The following AFAP1L2 variants were observed in gnomAD, a reference collection of about 807,000 sequenced individuals.
The protein encoded by AFAP1L2 is actin filament-associated protein 1-like 2.
AFAP1L2 carries 46 observed loss-of-function variants against 99.3 expected under a neutral mutation model. That is an observed-to-expected ratio of 0.46 (90% CI 0.37 to 0.59). The LOEUF is 0.59. AFAP1L2 is among the 20% of genes least tolerant of loss of function. The probability of loss-of-function intolerance (pLI) is 0.00; values close to 1 mark genes in which losing one functional copy is unlikely to be tolerated. For missense variants in AFAP1L2, 959 were observed against 1,034.9 expected (o/e 0.93, Z 1.01); for synonymous variants, 397 against 419.1 (o/e 0.95, Z 0.64).
At chr10:114,334,825 C>T (rs749904189) in intron 2 of AFAP1L2, among the ~76,000 whole-genome samples, 2 of 152,204 alleles carry the variant, frequency 1.3e-5, no homozygotes, top group Non-Finnish European at 2.9e-5. Flanking sequence ...AGGCAGGAGA[C>T]GGGGTCTCAA....
At chr10:114,334,814 G>C (rs77632714) in intron 2 of AFAP1L2, among the ~76,000 whole-genome samples, 7 of 152,258 alleles carry the variant, frequency 4.6e-5, no homozygotes, top group Admixed American at 3.9e-4. Context: ...CCTGCAGGGA[G>C]AGGCAGGAGA....
rs553547687 is a variant in AFAP1L2, at chr10:114,385,220, G to A, written c.16+19220C>T. On this transcript the variant is annotated intron_variant, in intron 1 of 18. Coordinates refer to ENST00000304129, the MANE Select transcript of AFAP1L2 (RefSeq NM_001001936.3). ...ACAGGACATGGAGACAGGAGGGCAGGAAGCCAGGCACACAGAGAAGCCCCG... is the reference window on the plus strand; with the variant it reads ...ACAGGACATGGAGACAGGAGGGCAGAAAGCCAGGCACACAGAGAAGCCCCG... 3.3e-3 allele frequency among the ~76,000 whole-genome samples: 500 copies of A among 152,236 alleles called. 3 individuals carry two copies. In the Middle Eastern group the frequency reaches 0.034, roughly 10 times the overall value.
intron 1 of AFAP1L2, among the ~76,000 whole-genome samples, chr10:114,349,867 C>G (rs916198364): frequency 1.3e-5 from 2 of 152,150 alleles, no homozygotes; most frequent in Admixed American, 1.3e-4. Flanking sequence ...TCCCGCCAAG[C>G]CTGGCCTGCA....
In AFAP1L2 at chr10:114,314,132, G is replaced by A. The variant is rs550369599; in HGVS notation, c.613-82C>T. On this transcript the variant is annotated intron_variant, in intron 6 of 18. Coordinates refer to ENST00000304129, the MANE Select transcript of AFAP1L2 (RefSeq NM_001001936.3). ...GTCTGCAAAGGAGGGGCCGCTGGAC[G>A]TTGCAGGACTCACCAAGAGCCTGAC... 2.1e-4 allele frequency: 289 copies of A among 1,385,578 alleles called. No individual in the cohort carries two copies. The African/African-American group carries it at 3.6e-3, about 17-fold the overall frequency. The allele number at this position is 1,385,578 out of a possible 1,614,324, so 85.8% of individuals were successfully genotyped here.
chr10:114,386,355 G>A lies in AFAP1L2; in HGVS notation c.16+18085C>T, dbSNP rs180764977. On this transcript the variant is annotated intron_variant, in intron 1 of 18. Transcript: ENST00000304129. Reference sequence around the variant, plus strand: ...TGTCAAGGCTGCAGTGAGCTATGATGGCACCACTGCACTCCAGACTGGGCA... The same window carrying A: ...TGTCAAGGCTGCAGTGAGCTATGATAGCACCACTGCACTCCAGACTGGGCA... 2.6e-5 allele frequency among the ~76,000 whole-genome samples: 4 copies of A among 152,100 alleles called. No homozygotes were observed. The East Asian group carries it at 7.7e-4, about 29-fold the overall frequency.
chr10:114,385,274 G>A (rs1261604728), intron 1 of AFAP1L2, among the ~76,000 whole-genome samples: 1 of 152,174 alleles, frequency 6.6e-6, no homozygotes, highest in Non-Finnish European at 1.5e-5. Flanking sequence ...CATCAGGCCA[G>A]GGATCTCTTC....
At chr10:114,356,527 A>G (rs985775477) in intron 1 of AFAP1L2, among the ~76,000 whole-genome samples, 3 of 152,242 alleles carry the variant, frequency 2.0e-5, no homozygotes, top group African/African-American at 7.2e-5. Context: ...ATGTTTAAAA[A>G]TGTTAAATGT....
chr10:114,323,205 A>C lies in AFAP1L2; in HGVS notation c.372T>G (p.Tyr124Ter). Residue 124 changes from tyrosine (Y) to a stop codon, truncating the protein, a stop_gained, in exon 5 of 19, where the codon TAT (tyrosine) becomes TAG (stop). Transcript: ENST00000304129. LOFTEE classifies it high-confidence loss of function. The part of the protein sequence containing the change: ...IPKTESPEGY[Y>*]EEAEPYDTSL... Reference sequence around the variant, plus strand: ...ATGTGTCATATGGCTCAGCCTCTTCATAGTAGCCCTCTGGAGACTCCGTCT... The same window carrying C: ...ATGTGTCATATGGCTCAGCCTCTTCCTAGTAGCCCTCTGGAGACTCCGTCT... 6.2e-7 allele frequency: 1 copy of C among 1,602,856 alleles called. No individual in the cohort carries two copies. Among genetic ancestry groups the C allele is most frequent in the Non-Finnish European group, 8.5e-7 (1 of 1,173,924 alleles).
intron 2 of AFAP1L2, among the ~76,000 whole-genome samples, chr10:114,335,607 C>T (rs933556826): frequency 1.1e-4 from 10 of 90,112 alleles, no homozygotes; most frequent in Non-Finnish European, 2.2e-4. Context: ...AGCAAGACTC[C>T]GTCTCAAAAA....
In AFAP1L2 at chr10:114,331,776, A is replaced by G. The variant is rs375145031; in HGVS notation, c.315+27T>C. The G allele has an allele frequency of 5.0e-5, 66 of 1,328,322 alleles. No individual in the cohort carries two copies. The African/African-American group carries it at 9.3e-4, about 19-fold the overall frequency. 82.3% of individuals were successfully genotyped at this position (1,328,322 alleles called of 1,614,324 possible). A position where few individuals can be genotyped will look rare whatever the true frequency, so the allele number is the denominator to read the frequency against. The stretch of plus-strand genomic sequence containing the variant: ...AAGTTCAAGGGGCTCACGTCAGGGA[A>G]ATCAGGGGTCCTGAACTGATGCTTA... On this transcript the variant is annotated intron_variant, in intron 4 of 18. Coordinates refer to ENST00000304129, the MANE Select transcript of AFAP1L2 (RefSeq NM_001001936.3).
downstream of AFAP1L2, among the ~76,000 whole-genome samples, chr10:114,291,815 C>T (rs939480730): frequency 6.6e-6 from 1 of 152,176 alleles, no homozygotes; most frequent in African/African-American, 2.4e-5. Context: ...TGGCGACTGC[C>T]TTTTGTGTGT....
At chr10:114,332,714 AC>A (rs1187505005) in intron 3 of AFAP1L2, among the ~76,000 whole-genome samples, 1 of 152,238 alleles carries the variant, frequency 6.6e-6, no homozygotes, top group Non-Finnish European at 1.5e-5. Flanking sequence ...AGAGAGCAGA[AC>A]AGAGCAGAAG....
Position 114,307,916 on chromosome 10 carries a change from A to G in AFAP1L2, c.968-7T>C. 1 of 1,613,640 alleles carries G rather than the reference A, an allele frequency of 6.2e-7. No homozygotes were observed. Among genetic ancestry groups the G allele is most frequent in the East Asian group, 2.2e-5 (1 of 44,860 alleles). ...GCAGAACATTTCTTCTTGACTGTCA[A>G]GATGAGACAGAAAGCAATTCGTATT... On this transcript the variant is annotated splice_region_variant and splice_polypyrimidine_tract_variant and intron_variant, in intron 9 of 18. Coordinates refer to ENST00000304129, the MANE Select transcript of AFAP1L2 (RefSeq NM_001001936.3).
intron 1 of AFAP1L2, among the ~76,000 whole-genome samples, chr10:114,360,562 T>TAGATAGAC (rs1554937956): frequency 6.7e-6 from 1 of 150,146 alleles, no homozygotes; most frequent in Non-Finnish European, 1.5e-5. Context: ...GATAGATAGA[T>TAGATAGAC]AGACGGACAG....
intron 7 of AFAP1L2, among the ~76,000 whole-genome samples, chr10:114,312,339 T>C (rs1590053612): frequency 8.5e-6 from 1 of 118,320 alleles, no homozygotes; most frequent in African/African-American, 4.0e-5. Context: ...TGTGCATACA[T>C]GTGCATTTGT....
intron 5 of AFAP1L2, among the ~76,000 whole-genome samples, chr10:114,322,198 T>C (rs1359209109): frequency 6.6e-6 from 1 of 152,218 alleles, no homozygotes; most frequent in Non-Finnish European, 1.5e-5. Context: ...ATTAAACCTC[T>C]TTCCTTTATC....
At chr10:114,383,207 C>A (rs2055952721) in intron 1 of AFAP1L2, among the ~76,000 whole-genome samples, 1 of 152,180 alleles carries the variant, frequency 6.6e-6, no homozygotes, top group African/African-American at 2.4e-5. Context: ...TTGCCTCTGG[C>A]AAGGGCAGGT....
intron 18 of AFAP1L2, 35 bp downstream of exon 18, chr10:114,296,943 G>T: frequency 6.2e-7 from 1 of 1,613,758 alleles, no homozygotes; most frequent in Non-Finnish European, 8.5e-7. Context: ...TGACATTTCT[G>T]CTGGCCCCAA....
chr10:114,377,350 C>T lies in AFAP1L2; in HGVS notation c.16+27090G>A, dbSNP rs994256001. Among the ~76,000 whole-genome samples, 6 of 152,154 alleles carry T rather than the reference C, an allele frequency of 3.9e-5. No individual in the cohort carries two copies. The highest frequency in any genetic ancestry group is 7.3e-5 in the Non-Finnish European group (5 of 68,040). ...GGCAAGAATCAAATGTGGCTTGAAG[C>T]ATGATTTAGAAACTAGATGACTTTG... On this transcript the variant is annotated intron_variant, in intron 1 of 18. Coordinates refer to ENST00000304129, the MANE Select transcript of AFAP1L2 (RefSeq NM_001001936.3). This position sits in a 1 kb window ranked among gnomAD's most constrained non-coding sequence, Gnocchi z 4.0.
Sources: allele counts gnomAD v4.1 joint callset (sites outside exome capture counted in the v4.1 genomes callset), GRCh38; gene constraint gnomAD v4.1.1; non-coding constraint Gnocchi (gnomAD v3.1); transcripts MANE v1.5; gene names NCBI Gene and HGNC (gene_info 2026-07-23, HGNC 2026-07-21).